The following DENND5B variants were observed in gnomAD, a reference collection of about 807,000 sequenced individuals.
The protein encoded by DENND5B is DENN domain-containing protein 5B.
In DENND5B, 34 loss-of-function variants were observed where a neutral mutation model predicts 140.6. The ratio of observed to expected loss-of-function variants is 0.24; its 90% CI spans 0.18 to 0.32. DENND5B has a LOEUF of 0.32. Among genes scored for constraint, DENND5B ranks in the 10% least tolerant of loss-of-function variants. DENND5B has a pLI of 1.00. For synonymous variants in DENND5B, 551 were observed against 562.1 expected (o/e 0.98, Z 0.28); for missense variants, 1,142 against 1,560.2 (o/e 0.73, Z 4.52).
At chr12:31,496,281 T>C (rs950744340) in intron 1 of DENND5B, among the ~76,000 whole-genome samples, 2 of 152,182 alleles carry the variant, frequency 1.3e-5, no homozygotes, top group Non-Finnish European at 2.9e-5. Context: ...AAGCTAATCA[T>C]ATGTCTTATG....
At chr12:31,396,811 G>A (rs933866527) in intron 17 of DENND5B, among the ~76,000 whole-genome samples, 1 of 151,956 alleles carries the variant, frequency 6.6e-6, no homozygotes, top group South Asian at 2.1e-4. Context: ...TAGTAGAGAC[G>A]GGGTTTTGCT....
intron 1 of DENND5B, among the ~76,000 whole-genome samples, chr12:31,509,016 C>A (rs1204785114): frequency 6.6e-6 from 1 of 152,170 alleles, no homozygotes; most frequent in East Asian, 1.9e-4. Context: ...AACAAAGCAA[C>A]CAAAACCAAA....
intron 14 of DENND5B, among the ~76,000 whole-genome samples, chr12:31,402,927 G>C (rs1941888736): frequency 6.6e-6 from 1 of 152,008 alleles, no homozygotes; most frequent in Admixed American, 6.6e-5. Context: ...ACAATCTCAA[G>C]CATTAGCACG....
chr12:31,458,006 G>A (rs1021454293), intron 4 of DENND5B, among the ~76,000 whole-genome samples: 5 of 151,958 alleles, frequency 3.3e-5, no homozygotes, highest in African/African-American at 9.7e-5. Flanking sequence ...GAGCCACCAC[G>A]CCCAGCCGAA....
intron 7 of DENND5B, among the ~76,000 whole-genome samples, chr12:31,442,544 A>G (rs1944082589): frequency 6.6e-6 from 1 of 152,116 alleles, no homozygotes; most frequent in Non-Finnish European, 1.5e-5. Flanking sequence ...CTTTGCTTGA[A>G]AAAGAAAAAA....
chr12:31,395,456 G>A (rs900497538), intron 17 of DENND5B, among the ~76,000 whole-genome samples: 1 of 152,132 alleles, frequency 6.6e-6, no homozygotes, highest in African/African-American at 2.4e-5. Flanking sequence ...AGCCTCACGT[G>A]GCAGTGCATG....
At chr12:31,453,189 G>A (rs1053854348) in intron 4 of DENND5B, among the ~76,000 whole-genome samples, 5 of 152,116 alleles carry the variant, frequency 3.3e-5, no homozygotes, top group Admixed American at 3.3e-4. Context: ...CCTAATGCAG[G>A]AGGCAGAGAG....
At chr12:31,481,991 G>A (rs1946089636) in intron 2 of DENND5B, among the ~76,000 whole-genome samples, 1 of 152,096 alleles carries the variant, frequency 6.6e-6, no homozygotes, top group African/African-American at 2.4e-5. Context: ...CTGTAGAGTG[G>A]AATTCTTTCA....
intron 3 of DENND5B, among the ~76,000 whole-genome samples, chr12:31,471,039 T>C (rs956088627): frequency 6.6e-6 from 1 of 152,168 alleles, no homozygotes; most frequent in East Asian, 1.9e-4. Flanking sequence ...AAGTTAAATA[T>C]AAAATCCCTT....
chr12:31,537,049 A>G (rs752021294), intron 1 of DENND5B, among the ~76,000 whole-genome samples: 1 of 152,186 alleles, frequency 6.6e-6, no homozygotes, highest in Non-Finnish European at 1.5e-5. Flanking sequence ...TTTCATCAAC[A>G]CCAGATCTAG....
At chr12:31,539,856 CG>C (rs1948629390) in intron 1 of DENND5B, among the ~76,000 whole-genome samples, 1 of 151,432 alleles carries the variant, frequency 6.6e-6, no homozygotes, top group African/African-American at 2.4e-5. Flanking sequence ...TTATTCAACA[CG>C]GTACTAGAAG....
At chr12:31,487,646 G>A (rs948232580) in intron 2 of DENND5B, among the ~76,000 whole-genome samples, 5 of 152,094 alleles carry the variant, frequency 3.3e-5, no homozygotes, top group African/African-American at 1.2e-4. Flanking sequence ...AGGTTGCAGT[G>A]AGCCAAGACT....
chr12:31,402,164 G>T (rs1941833299), intron 15 of DENND5B, among the ~76,000 whole-genome samples: 1 of 151,730 alleles, frequency 6.6e-6, no homozygotes, highest in Non-Finnish European at 1.5e-5. Flanking sequence ...ACATTTTACA[G>T]TAGGGAGGAG....
intron 1 of DENND5B, among the ~76,000 whole-genome samples, chr12:31,507,198 G>A (rs1420723743): frequency 6.6e-6 from 1 of 151,040 alleles, no homozygotes; most frequent in African/African-American, 2.4e-5. Flanking sequence ...TTTTTTTAGA[G>A]ACAGGCTGCA....
intron 1 of DENND5B, among the ~76,000 whole-genome samples, chr12:31,571,423 G>A (rs1949818134): frequency 6.6e-6 from 1 of 151,910 alleles, no homozygotes; most frequent in Non-Finnish European, 1.5e-5. Flanking sequence ...AAGCAACTGA[G>A]TGAGATTCAA....
chr12:31,415,994 C>T (rs554715790), intron 11 of DENND5B, among the ~76,000 whole-genome samples: 1 of 152,090 alleles, frequency 6.6e-6, no homozygotes, highest in African/African-American at 2.4e-5. Context: ...CACCACCACA[C>T]CTGGCTAATT....
intron 3 of DENND5B, among the ~76,000 whole-genome samples, chr12:31,474,795 T>C (rs1299453276): frequency 6.6e-6 from 1 of 152,206 alleles, no homozygotes; most frequent in East Asian, 1.9e-4. Context: ...ATTTCATTCA[T>C]TTAACTGAAA....
intron 5 of DENND5B, among the ~76,000 whole-genome samples, chr12:31,448,180 C>T (rs1944353247): frequency 6.6e-6 from 1 of 151,950 alleles, no homozygotes; most frequent in Admixed American, 6.6e-5. Context: ...GTCGCCCAGG[C>T]TGGAGTGCAG....
intron 1 of DENND5B, among the ~76,000 whole-genome samples, chr12:31,532,582 T>C (rs149461190): frequency 1.2e-3 from 180 of 152,174 alleles, no homozygotes; most frequent in African/African-American, 4.0e-3. Context: ...AGTTATATAG[T>C]AGTGAAATAG....
Sources: gnomAD v4.1 joint callset for allele counts (sites outside exome capture counted in the v4.1 genomes callset) on GRCh38, gnomAD v4.1.1 for gene constraint, MANE v1.5 for transcripts, NCBI Gene and HGNC (gene_info 2026-07-23, HGNC 2026-07-21) for gene names.